The following CBLB variants were observed in gnomAD, a reference collection of about 807,000 sequenced individuals.
CBLB encodes the protein Cbl proto-oncogene B, also known as E3 ubiquitin-protein ligase CBL-B.
A neutral mutation model predicts 104.9 loss-of-function variants in CBLB; 31 were observed. The ratio of observed to expected loss-of-function variants is 0.30; its 90% confidence interval spans 0.22 to 0.40. The LOEUF is 0.40. Ranked by LOEUF, CBLB falls within the 10% of genes least tolerant of loss-of-function variation. CBLB has a pLI of 1.00. For missense variants in CBLB, 1,062 were observed against 1,214.6 expected (o/e 0.87, Z 1.87); for synonymous variants, 440 against 422.6 (o/e 1.04, Z -0.51).
Position 105,776,384 on chromosome 3 carries a change from A to T in CBLB, c.566+12T>A. ...AGATAGATCCACAGCTATAAAAATG[A>T]TTTTTACTTACTTGTCTCCAAAAAA... On this transcript the variant is annotated intron_variant, in intron 4 of 18. Transcript: ENST00000394030. The T allele has an allele frequency of 6.2e-7, 1 of 1,612,272 alleles. No homozygotes were observed. The highest frequency in any genetic ancestry group is 1.1e-5 in the South Asian group (1 of 91,034).
intron 2 of CBLB, among the ~76,000 whole-genome samples, chr3:105,861,706 C>CACATAA (rs572690248): frequency 3.4e-4 from 51 of 150,162 alleles, no homozygotes; most frequent in African/African-American, 1.2e-3. Flanking sequence ...CACACACACA[C>CACATAA]ATACATACAC....
intron 6 of CBLB, among the ~76,000 whole-genome samples, chr3:105,743,968 A>G (rs1441818983): frequency 2.0e-5 from 3 of 152,144 alleles, no homozygotes; most frequent in Admixed American, 6.5e-5. Flanking sequence ...AGAGGACATT[A>G]TTCTAGTTTT....
intron 18 of CBLB, among the ~76,000 whole-genome samples, chr3:105,669,651 G>A (rs1160219739): frequency 1.3e-5 from 2 of 152,064 alleles, no homozygotes; most frequent in Admixed American, 6.6e-5. Flanking sequence ...GTGCTATGAA[G>A]AAAAATAAAG....
chr3:105,708,459 T>C (rs1172918673), intron 10 of CBLB, among the ~76,000 whole-genome samples: 1 of 152,138 alleles, frequency 6.6e-6, no homozygotes, highest in East Asian at 1.9e-4. Context: ...GTTAGTATTT[T>C]GTTCATACGG....
intron 17 of CBLB, among the ~76,000 whole-genome samples, chr3:105,674,278 C>T (rs1482776470): frequency 6.6e-6 from 1 of 152,214 alleles, no homozygotes; most frequent in Non-Finnish European, 1.5e-5. Context: ...CATGATGATG[C>T]TTTATAAAGA....
At chr3:105,682,511 C>A (rs553914620) in intron 14 of CBLB, among the ~76,000 whole-genome samples, 53 of 151,990 alleles carry the variant, frequency 3.5e-4, no homozygotes, top group Middle Eastern at 3.4e-3. Flanking sequence ...GTTGTTGGGG[C>A]TTTTTTTGTT....
chr3:105,709,123 A>T (rs577853466), intron 10 of CBLB, among the ~76,000 whole-genome samples: 17 of 152,086 alleles, frequency 1.1e-4, no homozygotes, highest in Non-Finnish European at 1.9e-4. Context: ...AATGCATTCA[A>T]AAGTCAAATA....
chr3:105,731,282 G>GT (rs1344184121), intron 9 of CBLB, among the ~76,000 whole-genome samples: 1 of 152,128 alleles, frequency 6.6e-6, no homozygotes, highest in Non-Finnish European at 1.5e-5. Flanking sequence ...AATAAATACA[G>GT]TAAGTCCTCA....
chr3:105,833,315 T>C (rs78420935), intron 3 of CBLB, among the ~76,000 whole-genome samples: 106 of 152,350 alleles, frequency 7.0e-4, no homozygotes, highest in Middle Eastern at 6.8e-3. Flanking sequence ...CAACTCATTC[T>C]GCATGATTCT....
In CBLB at chr3:105,670,793, T is replaced by C. The variant is rs543786195; in HGVS notation, c.2570-441A>G. The C allele has an allele frequency of 1.2e-4, 20 of 163,974 alleles. No individual in the cohort carries two copies. The South Asian group carries it at 1.7e-3, about 14-fold the overall frequency. 10.2% of individuals were successfully genotyped at this position (163,974 alleles called of 1,614,324 possible). On this transcript the variant is annotated intron_variant, in intron 17 of 18. Coordinates refer to ENST00000394030, the MANE Select transcript of CBLB (RefSeq NM_170662.5). ...TCAAATTACTTGATCTCTCTAAGCA[T>C]TGGGCATACAAAATTTGTAAAACAG...
At chr3:105,729,700 A>G (rs62261461) in intron 9 of CBLB, among the ~76,000 whole-genome samples, 18,704 of 152,096 alleles carry the variant, frequency 0.12, 1,260 homozygotes, top group African/African-American at 0.17. Context: ...TTACTGACAT[A>G]TTTATCATCA....
In CBLB at chr3:105,801,666, C is replaced by G. The variant is rs568759913; in HGVS notation, c.420-25124G>C. Among the ~76,000 whole-genome samples the G allele has an allele frequency of 2.0e-4, 30 of 152,342 alleles. No individual in the cohort carries two copies. The East Asian group carries it at 5.8e-3, about 29-fold the overall frequency. ...TTCCTAAAACAGGCTGGGCCTTGCC[C>G]ACCGCCCATTTTGAAGATTCCTTTG... On this transcript the variant is annotated intron_variant, in intron 3 of 18. Transcript: ENST00000394030.
intron 3 of CBLB, among the ~76,000 whole-genome samples, chr3:105,826,704 G>C (rs1266133384): frequency 6.6e-6 from 1 of 152,082 alleles, no homozygotes; most frequent in Non-Finnish European, 1.5e-5. Flanking sequence ...TGGAAGCCTT[G>C]GCAGAAAAGG....
At chr3:105,832,212 C>T (rs777904480) in intron 3 of CBLB, among the ~76,000 whole-genome samples, 10 of 152,172 alleles carry the variant, frequency 6.6e-5, no homozygotes, top group African/African-American at 1.4e-4. Context: ...TAAGAAACTA[C>T]CCCAACAGCA....
At chr3:105,754,356 T>G (rs1202790251) in intron 4 of CBLB, among the ~76,000 whole-genome samples, 1 of 152,046 alleles carries the variant, frequency 6.6e-6, no homozygotes, top group Non-Finnish European at 1.5e-5. Context: ...CATTTAAACT[T>G]CTGCAAAAAG....
At chr3:105,698,064 A>G (rs2068610135) in intron 12 of CBLB, among the ~76,000 whole-genome samples, 1 of 152,100 alleles carries the variant, frequency 6.6e-6, no homozygotes, top group Non-Finnish European at 1.5e-5. Flanking sequence ...TATAGGATAG[A>G]AATCTCTTAC....
At chr3:105,772,240 C>T (rs781649881) in intron 4 of CBLB, among the ~76,000 whole-genome samples, 39 of 152,040 alleles carry the variant, frequency 2.6e-4, no homozygotes, top group African/African-American at 3.6e-4. Flanking sequence ...AACTGATCTT[C>T]AACAAAGCAT....
chr3:105,826,066 T>C (rs986271669), intron 3 of CBLB, among the ~76,000 whole-genome samples: 1 of 152,196 alleles, frequency 6.6e-6, no homozygotes, highest in Non-Finnish European at 1.5e-5. Context: ...TCAAGCACAC[T>C]GGAGTTTGAA....
In CBLB at chr3:105,740,603, A is replaced by G. The variant is rs774750875; in HGVS notation, c.874T>C (p.Leu292=). ...ACATAGCCAATGGCCCACTGTCCCA[A>G]TCGAGTGCAACTTAACCGGAAAATA... The part of the protein sequence containing the change: ...SYIFRLSCTR[L]GQWAIGYVTG... Residue 292 remains leucine (L), a synonymous_variant, in exon 7 of 19, where the codon TTG becomes CTG. Coordinates refer to ENST00000394030, the MANE Select transcript of CBLB (RefSeq NM_170662.5). 1.5e-5 allele frequency: 24 copies of G among 1,614,028 alleles called. No individual in the cohort carries two copies. The highest frequency in any genetic ancestry group is 1.3e-4 in the Admixed American group (8 of 60,026).
Sources: gnomAD v4.1 joint callset for allele counts (sites outside exome capture counted in the v4.1 genomes callset) on GRCh38, gnomAD v4.1.1 for gene constraint, MANE v1.5 for transcripts, NCBI Gene and HGNC (gene_info 2026-07-23, HGNC 2026-07-21) for gene names.